SRC: variants seen among roughly 807,000 people sequenced by gnomAD.
SRC encodes proto-oncogene tyrosine-protein kinase Src.
In SRC, 13 loss-of-function variants were observed where a neutral mutation model predicts 62.9. That is an observed-to-expected ratio of 0.21 (90% confidence interval 0.13 to 0.33). SRC has a LOEUF of 0.33. Ranked by LOEUF, SRC falls within the 10% of genes least tolerant of loss-of-function variation. The pLI is 1.00. For synonymous variants in SRC, 302 were observed against 317.5 expected, an observed-to-expected ratio of 0.95 and a Z score of 0.52; for missense variants, 457 against 737.3, an observed-to-expected ratio of 0.62 and a Z score of 4.40.
rs994802545 is a variant in SRC, at chr20:37,398,298, G to A, written c.859+444G>A. 2.0e-5 allele frequency among the ~76,000 whole-genome samples: 3 copies of A among 152,174 alleles called. No homozygotes were observed. The highest frequency in any genetic ancestry group is 7.2e-5 in the African/African-American group (3 of 41,442). ...GGGAAGCTTAGGTCTGGCATGGTCT[G>A]GGCCTGTTAGCGATTTCCCGTCTGA... On this transcript the variant is annotated intron_variant, in intron 9 of 13. Coordinates refer to ENST00000373578, the MANE Select transcript of SRC (RefSeq NM_198291.3). This position sits in a 1 kb window ranked among gnomAD's most constrained non-coding sequence, Gnocchi z 5.2.
At chr20:37,377,590 C>T (rs1157438926) in intron 2 of SRC, among the ~76,000 whole-genome samples, 3 of 152,268 alleles carry the variant, frequency 2.0e-5, no homozygotes, top group Non-Finnish European at 2.9e-5. Context: ...GGATGGGACA[C>T]GCCGTGGGAG....
intron 2 of SRC, among the ~76,000 whole-genome samples, chr20:37,372,747 T>C (rs1027635737): frequency 6.6e-6 from 1 of 152,186 alleles, no homozygotes; most frequent in African/African-American, 2.4e-5. Flanking sequence ...GTTTGCTTTT[T>C]CTGTAAACTA....
At position 37,404,782 on chromosome 20, in the gene SRC, G is replaced by C. The variant is rs141686574; in HGVS notation, c.*1403G>C. 8.6e-6 allele frequency: 2 copies of C among 233,308 alleles called. No individual in the cohort carries two copies. The highest frequency in any genetic ancestry group is 1.7e-5 in the Non-Finnish European group (2 of 118,092). The allele number at this position is 233,308 out of a possible 1,614,324, so 14.5% of individuals were successfully genotyped here. ...AGGAGACTGGGCTCTGGCTCTGTTC[G>C]GCCTTTGGGTGTGTGGTGGATTCTC... On this transcript the variant is annotated 3_prime_UTR_variant, in exon 14 of 14. Coordinates refer to ENST00000373578, the MANE Select transcript of SRC (RefSeq NM_198291.3).
At chr20:37,387,432 TGAG>T (rs2070474303) in intron 5 of SRC, among the ~76,000 whole-genome samples, 1 of 152,064 alleles carries the variant, frequency 6.6e-6, no homozygotes. Flanking sequence ...ATTTTGCAGA[TGAG>T]GAAACTGAGG....
rs1193168605 is a variant in SRC, at chr20:37,402,068, G to A, written c.1117-367G>A. The A allele has an allele frequency of 9.6e-6, 3 of 311,186 alleles. No homozygotes were observed. Among genetic ancestry groups the A allele is most frequent in the Non-Finnish European group, 1.8e-5 (3 of 170,134 alleles). The allele number at this position is 311,186 out of a possible 1,614,324, so 19.3% of individuals were successfully genotyped here. On this transcript the variant is annotated intron_variant, in intron 11 of 13. Coordinates refer to ENST00000373578, the MANE Select transcript of SRC (RefSeq NM_198291.3). This position sits in a 1 kb window ranked among gnomAD's most constrained non-coding sequence, Gnocchi z 6.2. ...CGAGGATTGGCTGTTATTCCCATTG[G>A]ACGGATGAGAAAACTGAGGCTCAGA... is the stretch of plus-strand genomic sequence containing the variant.
At chr20:37,390,228 C>G (rs1468487597) in intron 5 of SRC, among the ~76,000 whole-genome samples, 1 of 152,018 alleles carries the variant, frequency 6.6e-6, no homozygotes, top group Non-Finnish European at 1.5e-5. Flanking sequence ...GGGTACTTGC[C>G]CAAGATCACA....
intron 2 of SRC, among the ~76,000 whole-genome samples, chr20:37,374,168 C>T (rs532363640): frequency 5.9e-5 from 9 of 151,744 alleles, no homozygotes; most frequent in African/African-American, 2.2e-4. Flanking sequence ...CAACCTCTGC[C>T]TCCCAGGTTC....
In SRC at chr20:37,346,468, G is replaced by C. The variant is rs911727889; in HGVS notation, c.-247+213G>C. Among the ~76,000 whole-genome samples, 7 of 152,036 alleles carry C rather than the reference G, an allele frequency of 4.6e-5. 1 individual carries two copies. The highest frequency in any genetic ancestry group is 1.7e-4 in the African/African-American group (7 of 41,538). ...GCGGCCTTTTGTTGTGATGCAGCGG[G>C]GGGAGGGGGCTGGGCGGGGGGGGCG... is the stretch of plus-strand genomic sequence containing the variant. On this transcript the variant is annotated intron_variant, in intron 1 of 13. Transcript: ENST00000373578.
At chr20:37,374,585 T>G (rs1030349596) in intron 2 of SRC, among the ~76,000 whole-genome samples, 211 of 148,310 alleles carry the variant, frequency 1.4e-3, no homozygotes, top group East Asian at 4.5e-3. Flanking sequence ...TTTTTTTTTT[T>G]TTTTTTTGAG....
chr20:37,397,475 GCTGAATGACTGA>G lies in SRC; in HGVS notation c.704-209_704-198del, dbSNP rs1328819477. ...GGGTTCCTGGCACCCCCTACTGTCT[GCTGAATGACTGA>G]CTGAATGACTGACTCAGCAGATGCA... On this transcript the variant is annotated intron_variant, in intron 8 of 13. Coordinates refer to ENST00000373578, the MANE Select transcript of SRC (RefSeq NM_198291.3). The surrounding 1 kb of genome is among the most constrained non-coding windows in gnomAD (Gnocchi z 4.1). 1.3e-5 allele frequency among the ~76,000 whole-genome samples: 2 copies of G among 152,202 alleles called. No homozygotes were observed. The highest frequency in any genetic ancestry group is 4.8e-5 in the African/African-American group (2 of 41,440).
At chr20:37,375,085 C>T (rs1045971721) in intron 2 of SRC, among the ~76,000 whole-genome samples, 1 of 151,930 alleles carries the variant, frequency 6.6e-6, no homozygotes, top group African/African-American at 2.4e-5. Flanking sequence ...TGCCTGCCAC[C>T]ATGCCTGACT....
intron 2 of SRC, among the ~76,000 whole-genome samples, chr20:37,370,634 T>A (rs1271515253): frequency 6.6e-6 from 1 of 152,244 alleles, no homozygotes; most frequent in Admixed American, 6.5e-5. Context: ...TCATGGCATC[T>A]AATTCTTTTC....
At position 37,403,777 on chromosome 20, in the gene SRC, AG is replaced by A. The variant is rs1282944312; in HGVS notation, c.*399del. 6 of 277,960 alleles carry A rather than the reference AG, an allele frequency of 2.2e-5. No individual in the cohort carries two copies. Among genetic ancestry groups the A allele is most frequent in the Admixed American group, 1.9e-4 (4 of 21,616 alleles). The allele number at this position is 277,960 out of a possible 1,614,324, so 17.2% of individuals were successfully genotyped here. On this transcript the variant is annotated 3_prime_UTR_variant, in exon 14 of 14. Transcript: ENST00000373578. The surrounding 1 kb of genome is among the most constrained non-coding windows in gnomAD (Gnocchi z 7.1). ...TCTGTGCCACCCCCGGTCTATGTCGAGAGCTGGCCAAAGAGCCTTTCCAAAG... is the reference window on the plus strand; with the variant it reads ...TCTGTGCCACCCCCGGTCTATGTCGAAGCTGGCCAAAGAGCCTTTCCAAAG...
intron 1 of SRC, among the ~76,000 whole-genome samples, chr20:37,362,319 C>G (rs2069987489): frequency 6.6e-6 from 1 of 152,188 alleles, no homozygotes; most frequent in Non-Finnish European, 1.5e-5. Flanking sequence ...TCTTGGCCTC[C>G]TGAGTCACTG....
chr20:37,368,518 CTTTTTTTTTTT>C lies in SRC; in HGVS notation c.-173+3256_-173+3266del, dbSNP rs1352624429. Among the ~76,000 whole-genome samples, 49 of 73,914 alleles carry C rather than the reference CTTTTTTTTTTT, an allele frequency of 6.6e-4. 1 individual carries two copies. Among genetic ancestry groups the C allele is most frequent in the Middle Eastern group, 0.015 (1 of 68 alleles). The allele number at this position is 73,914 out of a possible 152,430, so 48.5% of individuals were successfully genotyped here. ...GTCATAACATTTATGCCTATATTTT[CTTTTTTTTTTT>C]TTTTTTTTTTTTTTGTTTTTTTTTT... On this transcript the variant is annotated intron_variant, in intron 2 of 13. Coordinates refer to ENST00000373578, the MANE Select transcript of SRC (RefSeq NM_198291.3).
intron 2 of SRC, among the ~76,000 whole-genome samples, chr20:37,372,367 G>T (rs1600978565): frequency 6.6e-6 from 1 of 152,224 alleles, no homozygotes; most frequent in East Asian, 1.9e-4. Flanking sequence ...CATATATTTG[G>T]ATATGTTGTA....
intron 2 of SRC, among the ~76,000 whole-genome samples, chr20:37,365,658 C>A (rs1409516039): frequency 2.0e-5 from 3 of 151,978 alleles, no homozygotes; most frequent in Non-Finnish European, 4.4e-5. Flanking sequence ...CAATCATGCT[C>A]ACCGTAGCTT....
chr20:37,364,375 G>A (rs546186724), intron 1 of SRC, among the ~76,000 whole-genome samples: 1 of 152,280 alleles, frequency 6.6e-6, no homozygotes, highest in South Asian at 2.1e-4. Flanking sequence ...TAAGCATGGT[G>A]CCCGCCACCC....
At chr20:37,401,766 C>T in intron 11 of SRC, 88 bp downstream of exon 11, 2 of 932,262 alleles carry the variant, frequency 2.1e-6, no homozygotes, top group Non-Finnish European at 3.2e-6. Context: ...TCTTGAGTGC[C>T]CCCTCCAAGA....
Sources: gnomAD v4.1 joint callset for allele counts (sites outside exome capture counted in the v4.1 genomes callset) on GRCh38, gnomAD v4.1.1 for gene constraint, Gnocchi (gnomAD v3.1) non-coding constraint, MANE v1.5 for transcripts, NCBI Gene and HGNC (gene_info 2026-07-23, HGNC 2026-07-21) for gene names.